Variants in PLA2G4F observed in about 807,000 individuals in gnomAD.
PLA2G4F encodes the protein cytosolic phospholipase A2 zeta.
PLA2G4F carries 105 observed loss-of-function variants against 103.1 expected under a neutral mutation model. The observed-to-expected ratio is 1.02, with a 90% CI of 0.87 to 1.20. The LOEUF (loss-of-function observed/expected upper bound fraction) is 1.20. Ranked by LOEUF, PLA2G4F falls within the 50% of genes most tolerant of loss-of-function variation. PLA2G4F has a pLI of 0.00. For missense variants in PLA2G4F, 1,155 were observed against 1,075.9 expected, an observed-to-expected ratio of 1.07 and a Z score of -1.03; for synonymous variants, 468 against 441.1, an observed-to-expected ratio of 1.06 and a Z score of -0.76.
Position 42,144,503 on chromosome 15 carries a change from C to T in PLA2G4F, c.1922G>A (p.Gly641Asp), listed in dbSNP as rs2048859472. Residue 641 changes from glycine (G) to aspartate (D), a missense_variant, in exon 17 of 20, where the codon GGT (glycine) becomes GAT (aspartate). Gly to Asp is a moderately conservative substitution (Grantham distance 94, BLOSUM62 -1). Around this residue, in one of 3 missense-constraint regions of PLA2G4F, gnomAD observed 782 missense variants for 692.9 expected, o/e 1.13. Transcript: ENST00000397272. ...CACATAGTCCTTGTGCAAGCAGAGA[C>T]CCCGGGTGAAGTTAAAGCTCTGGGC... The part of the protein sequence containing the change: ...TSAQSFNFTR[G>D]LCLHKDYVAG... 6.8e-6 allele frequency: 11 copies of T among 1,612,296 alleles called. No individual in the cohort carries two copies. Among genetic ancestry groups the T allele is most frequent in the Non-Finnish European group, 9.3e-6 (11 of 1,180,032 alleles).
At position 42,139,578 on chromosome 15, in the gene PLA2G4F, G is replaced by A. The variant is rs913469778; in HGVS notation, c.*2406C>T. 1.3e-5 allele frequency: 2 copies of A among 152,226 alleles called. No homozygotes were observed. The highest frequency in any genetic ancestry group is 4.8e-5 in the African/African-American group (2 of 41,444). The allele number at this position is 152,226 out of a possible 1,614,324, so 9.4% of individuals were successfully genotyped here. On this transcript the variant is annotated 3_prime_UTR_variant, in exon 20 of 20. Transcript: ENST00000397272. ...ACTCTGTCACCTTCAGGACCCTGAA[G>A]CTTATTTCCAGCCATCTCAGATAAG...
At chr15:42,144,669 T>C (rs2048862821) in intron 16 of PLA2G4F, 25 bp from the exon 17 acceptor site, 1 of 1,539,120 alleles carries the variant, frequency 6.5e-7, no homozygotes, top group Non-Finnish European at 8.7e-7. Context: ...GACAGTGAAA[T>C]AGAGGGGAAA....
At chr15:42,147,019 A>G (rs2048894883) in intron 13 of PLA2G4F, 105 bp downstream of exon 13, 2 of 1,162,604 alleles carry the variant, frequency 1.7e-6, no homozygotes, top group Non-Finnish European at 2.4e-6. Context: ...GAGCTCAGGA[A>G]CAGCTTTGTA....
intron 11 of PLA2G4F, chr15:42,149,050 A>G: frequency 1.0e-6 from 1 of 985,334 alleles, no homozygotes. Flanking sequence ...TCCCTCTCTC[A>G]GCACGCCTTT....
intron 19 of PLA2G4F, 95 bp from the exon 20 acceptor site, chr15:42,142,299 C>T: frequency 7.7e-7 from 1 of 1,298,968 alleles, no homozygotes; most frequent in Admixed American, 2.5e-5. Flanking sequence ...GGACACCTGG[C>T]TGGCTCCCTG....
intron 7 of PLA2G4F, 62 bp from the exon 8 acceptor site, chr15:42,150,839 T>C (rs1337928885): frequency 5.1e-6 from 8 of 1,555,456 alleles, no homozygotes; most frequent in Non-Finnish European, 6.9e-6. Context: ...CTCTGCGGCT[T>C]ATGCTGGCAG....
chr15:42,149,497 G>A (rs2048930055), intron 11 of PLA2G4F: 1 of 985,282 alleles, frequency 1.0e-6, no homozygotes, highest in Non-Finnish European at 1.2e-6. Flanking sequence ...CCTAGTCTGT[G>A]GGGTTTTGTT....
At chr15:42,149,525 C>T in intron 11 of PLA2G4F, 188 bp downstream of exon 11, 1 of 985,442 alleles carries the variant, frequency 1.0e-6, no homozygotes, top group Non-Finnish European at 1.2e-6. Flanking sequence ...CCCACATAGA[C>T]ATCCAGCTTT....
Position 42,155,601 on chromosome 15 carries a change from G to A in PLA2G4F, c.112-12C>T. 1 of 1,613,054 alleles carries A rather than the reference G, an allele frequency of 6.2e-7. No homozygotes were observed. The highest frequency in any genetic ancestry group is 8.5e-7 in the Non-Finnish European group (1 of 1,179,076). On this transcript the variant is annotated splice_polypyrimidine_tract_variant and intron_variant, in intron 1 of 19. Coordinates refer to ENST00000397272, the MANE Select transcript of PLA2G4F (RefSeq NM_213600.4). Reference sequence around the variant, plus strand: ...GGGTAGGTTTCCCGCTGCAATAACAGAACTCCAGGGACTCAGTCAGCTAGT... The same window carrying A: ...GGGTAGGTTTCCCGCTGCAATAACAAAACTCCAGGGACTCAGTCAGCTAGT...
Position 42,148,676 on chromosome 15 carries a change from G to A in PLA2G4F, c.1060-914C>T, listed in dbSNP as rs111364399. ...GCAAGCAGCCTAGACCTGCCCCCAG[G>A]CACCAAAGGTGCCCAGAGGTTTTAA... On this transcript the variant is annotated intron_variant, in intron 11 of 19. Transcript: ENST00000397272. 1,390 of 985,380 alleles carry A rather than the reference G, an allele frequency of 1.4e-3. 20 individuals are homozygous for A. In the African/African-American group the frequency reaches 0.023, roughly 16 times the overall value. The allele number at this position is 985,380 out of a possible 1,614,324, so 61.0% of individuals were successfully genotyped here.
chr15:42,154,452 T>C lies in PLA2G4F; in HGVS notation c.191A>G (p.Lys64Arg), dbSNP rs779048021. 6.3e-7 allele frequency: 1 copy of C among 1,587,002 alleles called. No individual in the cohort carries two copies. The highest frequency in any genetic ancestry group is 8.6e-7 in the Non-Finnish European group (1 of 1,164,128). Residue 64 changes from lysine to arginine, a missense_variant, in exon 3 of 20, where the codon AAA becomes AGA. This residue lies in a region of PLA2G4F where 370 missense variants were observed against 364.9 expected (regional missense o/e 1.01). Coordinates refer to ENST00000397272, the MANE Select transcript of PLA2G4F (RefSeq NM_213600.4). ...TNIRGTDLLS[K>R]ADCYVQLWLP... ...CCACAGTTGCACATAGCAGTCGGCT[T>C]TGGACACTGCAGGTAGGACAGGGAG...
chr15:42,142,193 G>A lies in PLA2G4F; in HGVS notation c.2341C>T (p.Gln781Ter). The A allele has an allele frequency of 1.2e-6, 2 of 1,612,152 alleles. No homozygotes were observed. The highest frequency in any genetic ancestry group is 4.5e-5 in the East Asian group (2 of 44,862). Residue 781 changes from glutamine (Q) to a stop codon, truncating the protein, a stop_gained, in exon 20 of 20, where the codon CAA becomes TAA. Transcript: ENST00000397272. LOFTEE classifies it low-confidence loss of function (END_TRUNC). Reference protein sequence around the residue: ...RTHLAPGVERQTAEEKAFGDF... With the variant: ...RTHLAPGVER ...CCAAAGGCCTTCTCCTCAGCTGTTT[G>A]TCGCTCCACACCTGTGGGTGGGGGA...
chr15:42,149,720 C>T lies in PLA2G4F; in HGVS notation c.1052G>A (p.Ser351Asn). ...QVLGLSEALD[S>N]GQVPVVAVLG... Reference sequence around the variant, plus strand: ...TCCTCCTCCATTACGTACCTGGCCACTGTCCAGAGCCTCACTCAATCCCAG... The same window carrying T: ...TCCTCCTCCATTACGTACCTGGCCATTGTCCAGAGCCTCACTCAATCCCAG... The change falls in exon 11 of 20, where the codon AGT becomes AAT. Residue 351 changes from serine (S) to asparagine (N), a missense_variant. Around this residue, in one of 3 missense-constraint regions of PLA2G4F, gnomAD observed 782 missense variants for 692.9 expected, o/e 1.13. Coordinates refer to ENST00000397272, the MANE Select transcript of PLA2G4F (RefSeq NM_213600.4). 6.2e-7 allele frequency: 1 copy of T among 1,614,204 alleles called. No homozygotes were observed.
rs776360615 is a variant in PLA2G4F, at chr15:42,142,726, C to A, written c.2143-12G>T. Reference sequence around the variant, plus strand: ...GTCATCTTCAAGACCTGAGCAGGAGCAAGCCTCTGACTCTGCCTTTCCTCC... The same window carrying A: ...GTCATCTTCAAGACCTGAGCAGGAGAAAGCCTCTGACTCTGCCTTTCCTCC... On this transcript the variant is annotated splice_polypyrimidine_tract_variant and intron_variant, in intron 18 of 19. Transcript: ENST00000397272. The A allele has an allele frequency of 2.5e-6, 4 of 1,613,612 alleles. No homozygotes were observed. In the South Asian group the frequency reaches 3.3e-5, roughly 13 times the overall value.
chr15:42,153,619 C>T lies in PLA2G4F; in HGVS notation c.491+1G>A. 6.2e-7 allele frequency: 1 copy of T among 1,614,208 alleles called. No individual in the cohort carries two copies. The highest frequency in any genetic ancestry group is 8.5e-7 in the Non-Finnish European group (1 of 1,180,032). On this transcript the variant is annotated splice_donor_variant, in intron 5 of 19. Transcript: ENST00000397272. LOFTEE classifies it high-confidence loss of function. ...AGGGCGTTGGCTCTACCAGAACTCA[C>T]CTCTTCTCCAGAACAAATTCCACCT...
rs2048824381 is a variant in PLA2G4F, at chr15:42,141,197, A to AT, written c.*786dup. The AT allele has an allele frequency of 2.2e-6, 1 of 456,350 alleles. No homozygotes were observed. The highest frequency in any genetic ancestry group is 2.0e-5 in the African/African-American group (1 of 50,138). 28.3% of individuals were successfully genotyped at this position (456,350 alleles called of 1,614,324 possible). On this transcript the variant is annotated 3_prime_UTR_variant, in exon 20 of 20. Transcript: ENST00000397272. Reference sequence around the variant, plus strand: ...ACTGATGCCCCTACTAGACACACCCATTTAGCTCCTAGGAATGGTGAGACT... The same window carrying AT: ...ACTGATGCCCCTACTAGACACACCCATTTTAGCTCCTAGGAATGGTGAGACT...
chr15:42,147,899 C>G, intron 11 of PLA2G4F, 137 bp from the exon 12 acceptor site: 1 of 1,356,550 alleles, frequency 7.4e-7, no homozygotes, highest in Non-Finnish European at 9.9e-7. Flanking sequence ...CCAATGAGAA[C>G]CCCATTTTCA....
At position 42,152,850 on chromosome 15, in the gene PLA2G4F, C is replaced by T. The variant is rs1668793237; in HGVS notation, c.535-96G>A. On this transcript the variant is annotated intron_variant, in intron 6 of 19. Transcript: ENST00000397272. ...GCCTAGGGCAGGGTCTGGGAAACAG[C>T]CATGGCCCCATCCAGGATGGAGGGA... 4 of 1,185,110 alleles carry T rather than the reference C, an allele frequency of 3.4e-6. No homozygotes were observed. The South Asian group carries it at 4.5e-5, about 13-fold the overall frequency. 73.4% of individuals were successfully genotyped at this position (1,185,110 alleles called of 1,614,324 possible).
chr15:42,142,529 T>C lies in PLA2G4F; in HGVS notation c.2328A>G (p.Pro776=), dbSNP rs199706767. 464 of 1,610,536 alleles carry C rather than the reference T, an allele frequency of 2.9e-4. 2 individuals carry two copies. The highest frequency in any genetic ancestry group is 1.4e-4 in the Non-Finnish European group (167 of 1,178,130). Residue 776 remains proline (P), a splice_region_variant and synonymous_variant, in exon 19 of 20, where the codon CCA becomes CCG. Coordinates refer to ENST00000397272, the MANE Select transcript of PLA2G4F (RefSeq NM_213600.4). ...TCCCAGGCCTGGAGCTTCCCTTACC[T>C]GGGGCCAGGTGTGTGCGGAAGGTAC... The part of the protein sequence containing the change: ...VNRTFRTHLA[P]GVERQTAEEK...
Sources: allele counts gnomAD v4.1 joint callset, GRCh38; gene constraint gnomAD v4.1.1; regional missense constraint gnomAD v4.1.1; transcripts MANE v1.5; gene names NCBI Gene and HGNC (gene_info 2026-07-23, HGNC 2026-07-21).